Variants in PMIS2 observed in about 807,000 individuals in gnomAD.
The protein encoded by PMIS2 is transmembrane protein PMIS2.
Position 35,587,088 on chromosome 19 carries a change from T to C in PMIS2, c.350T>C (p.Phe117Ser), listed in dbSNP as rs1385664463. Residue 117 changes from phenylalanine (F) to serine (S), a missense_variant, in exon 2 of 2, where the codon TTC (phenylalanine) becomes TCC (serine). Phe to Ser is a radical substitution (Grantham distance 155, BLOSUM62 -2). Coordinates refer to ENST00000646476, the Ensembl canonical transcript of PMIS2. ...ATCAACTCAGGCCGAACTGGTTGGT[T>C]CGGTGCATTCGTGGTAATGATTGGC... 4.3e-5 allele frequency: 17 copies of C among 398,642 alleles called. No homozygotes were observed. The East Asian group carries it at 5.7e-4, about 13-fold the overall frequency. The allele number at this position is 398,642 out of a possible 1,614,324, so 24.7% of individuals were successfully genotyped here. A position where few individuals can be genotyped will look rare whatever the true frequency, so the allele number is the denominator to read the frequency against.
chr19:35,587,254 C>G (rs1407042093), downstream of PMIS2: 1 of 396,538 alleles, frequency 2.5e-6, no homozygotes, highest in Non-Finnish European at 4.4e-6. Flanking sequence ...GCTGAGACAT[C>G]TAGCCAAGAA....
chr19:35,586,639 G>C (rs999143855), intron 1 of PMIS2, 98 bp downstream of exon 1: 2 of 395,188 alleles, frequency 5.1e-6, no homozygotes, highest in Non-Finnish European at 8.9e-6. Flanking sequence ...GAGTGCAGTG[G>C]TGCAATCTCG....
At chr19:35,587,235 A>G (rs541596667), downstream of PMIS2, 1 of 397,536 alleles carries the variant, frequency 2.5e-6, no homozygotes, top group East Asian at 3.6e-5. Flanking sequence ...TCAGGCAAGA[A>G]ATTCAACCGC....
intron 1 of PMIS2, chr19:35,587,018 C>T (rs547043563): frequency 2.5e-6 from 1 of 398,708 alleles, no homozygotes; most frequent in East Asian, 3.6e-5. Flanking sequence ...TCCACCCCTA[C>T]AGACTATGAA....
intron 1 of PMIS2, 52 bp from the exon 2 acceptor site, chr19:35,586,924 C>T (rs1004731755): frequency 2.5e-6 from 1 of 398,644 alleles, no homozygotes; most frequent in Non-Finnish European, 4.4e-6. Flanking sequence ...ATCCTGGGAC[C>T]TGCATAGGGG....
Position 35,586,959 on chromosome 19 carries a change from C to T in PMIS2, c.283-62C>T, listed in dbSNP as rs986762445. ...GCTTTCCCTCAGTGACTGCAGGTCTCCAACCGTTCTCCCCAGGGTTCCTGG... is the reference window on the plus strand; with the variant it reads ...GCTTTCCCTCAGTGACTGCAGGTCTTCAACCGTTCTCCCCAGGGTTCCTGG... On this transcript the variant is annotated intron_variant, in intron 1 of 1. Transcript: ENST00000646476. 2.5e-6 allele frequency: 1 copy of T among 398,706 alleles called. No homozygotes were observed. The highest frequency in any genetic ancestry group is 4.4e-6 in the Non-Finnish European group (1 of 226,176). 24.7% of individuals were successfully genotyped at this position (398,706 alleles called of 1,614,324 possible). A position where few individuals can be genotyped will look rare whatever the true frequency, so the allele number is the denominator to read the frequency against.
intron 1 of PMIS2, among the ~76,000 whole-genome samples, chr19:35,586,746 A>AT (rs1568321225): frequency 6.6e-6 from 1 of 151,732 alleles, no homozygotes; most frequent in African/African-American, 2.4e-5. Context: ...TGCCCGGCTC[A>AT]TTTTTGTATT....
intron 1 of PMIS2, 144 bp from the exon 2 acceptor site, chr19:35,586,832 C>G (rs1341216050): frequency 2.5e-6 from 1 of 396,260 alleles, no homozygotes. Context: ...CCCGCCTTGG[C>G]CTCCCAAAGT....
In PMIS2 at chr19:35,587,118, G is replaced by A. The variant is rs555120228; in HGVS notation, c.380G>A (p.Gly127Asp). The A allele has an allele frequency of 2.8e-5, 11 of 398,528 alleles. No individual in the cohort carries two copies. The South Asian group carries it at 1.3e-3, about 46-fold the overall frequency. The allele number at this position is 398,528 out of a possible 1,614,324, so 24.7% of individuals were successfully genotyped here. A position where few individuals can be genotyped will look rare whatever the true frequency, so the allele number is the denominator to read the frequency against. ...GCATTCGTGGTAATGATTGGCTTAG[G>A]CATCATTTATGGCTTGGTCCTATAT... The change falls in exon 2 of 2, where the codon GGC (glycine) becomes GAC (aspartate). Residue 127 changes from glycine to aspartate, a missense_variant. Transcript: ENST00000646476.
chr19:35,586,247 G>A (rs1257705250), exon 1 of PMIS2: 5 of 398,832 alleles, frequency 1.3e-5, no homozygotes, highest in Non-Finnish European at 2.2e-5. Flanking sequence ...GTCCGTCTTT[G>A]AGGGGAAAGG....
At position 35,586,555 on chromosome 19, in the gene PMIS2, C is replaced by A; in HGVS notation, c.282+14C>A. The A allele has an allele frequency of 2.5e-6, 1 of 397,776 alleles. No individual in the cohort carries two copies. The highest frequency in any genetic ancestry group is 1.3e-4 in the South Asian group (1 of 7,752). The allele number at this position is 397,776 out of a possible 1,614,324, so 24.6% of individuals were successfully genotyped here. On this transcript the variant is annotated intron_variant, in intron 1 of 1. Transcript: ENST00000646476. Reference sequence around the variant, plus strand: ...TTCTCTTATGAGGTAAAATAATGCCCAAGTCATAGCCCCCGTCCTTTTTTT... The same window carrying A: ...TTCTCTTATGAGGTAAAATAATGCCAAAGTCATAGCCCCCGTCCTTTTTTT...
At chr19:35,587,151 G>A (rs1966158940) in exon 2 of PMIS2, 1 of 398,462 alleles carries the variant, frequency 2.5e-6, no homozygotes, top group African/African-American at 2.1e-5. Context: ...TATTAATGAA[G>A]TCTAGGCATA....
At chr19:35,587,045 G>C (rs1206283142) in exon 2 of PMIS2, 3 of 398,684 alleles carry the variant, frequency 7.5e-6, no homozygotes, top group Non-Finnish European at 1.3e-5. Flanking sequence ...CCAGAACAGT[G>C]AATGGGAAGA....
chr19:35,586,400 TG>T lies in PMIS2; in HGVS notation c.142del (p.Glu48ArgfsTer16). On this transcript the variant is annotated frameshift_variant, in exon 1 of 2. Transcript: ENST00000646476. LOFTEE classifies it high-confidence loss of function. ...CCACAGGTGGTCCAGGTGCCCCAGCTGAGGTGCCCCAGGAGCCGCAAGAGCC... is the reference window on the plus strand; with the variant it reads ...CCACAGGTGGTCCAGGTGCCCCAGCTAGGTGCCCCAGGAGCCGCAAGAGCC... 2.5e-6 allele frequency: 1 copy of T among 398,794 alleles called. No individual in the cohort carries two copies. The highest frequency in any genetic ancestry group is 2.1e-5 in the African/African-American group (1 of 48,676). The allele number at this position is 398,794 out of a possible 1,614,324, so 24.7% of individuals were successfully genotyped here. A position where few individuals can be genotyped will look rare whatever the true frequency, so the allele number is the denominator to read the frequency against.
chr19:35,587,247 G>A (rs2071783698), downstream of PMIS2: 1 of 396,672 alleles, frequency 2.5e-6, no homozygotes, highest in Admixed American at 4.4e-5. Flanking sequence ...TTCAACCGCT[G>A]AGACATCTAG....
At chr19:35,587,295 A>T (rs1376643400), downstream of PMIS2, 5 of 393,764 alleles carry the variant, frequency 1.3e-5, no homozygotes, top group Non-Finnish European at 2.2e-5. Context: ...AACATTCAAG[A>T]AACCCACCAA....
At chr19:35,587,243 C>T (rs561836855), downstream of PMIS2, 94 of 396,920 alleles carry the variant, frequency 2.4e-4, no homozygotes, top group Middle Eastern at 1.3e-3. Flanking sequence ...GAAATTCAAC[C>T]GCTGAGACAT....
intron 1 of PMIS2, among the ~76,000 whole-genome samples, chr19:35,586,759 T>C (rs1247910923): frequency 6.6e-6 from 1 of 152,090 alleles, no homozygotes; most frequent in Non-Finnish European, 1.5e-5. Context: ...TTTGTATTTT[T>C]AGTAGAGACG....
exon 1 of PMIS2, chr19:35,586,363 G>T (rs1369951600): frequency 5.0e-6 from 2 of 399,068 alleles, no homozygotes; most frequent in African/African-American, 2.1e-5. Context: ...GCTGCCCCAG[G>T]TTCTCCCACT....
Sources: allele counts gnomAD v4.1 joint callset (sites outside exome capture counted in the v4.1 genomes callset), GRCh38; gene constraint gnomAD v4.1.1; transcripts MANE v1.5; gene names NCBI Gene and HGNC (gene_info 2026-07-23, HGNC 2026-07-21).